CCDC91: variants seen among roughly 807,000 people sequenced by gnomAD.
CCDC91 encodes coiled-coil domain containing 91.
A neutral mutation model predicts 63.2 loss-of-function variants in CCDC91; 48 were observed. That is an observed-to-expected ratio of 0.76 (90% CI 0.60 to 0.97). The LOEUF is 0.97. Ranked by LOEUF, CCDC91 falls within the 50% of genes least tolerant of loss-of-function variation. CCDC91 has a pLI of 0.00. For missense variants in CCDC91, 500 were observed against 494.6 expected (o/e 1.01, Z -0.10); for synonymous variants, 167 against 165.8 (o/e 1.01, Z -0.06).
At chr12:28,431,540 A>G (rs1000319840) in intron 8 of CCDC91, among the ~76,000 whole-genome samples, 1 of 152,034 alleles carries the variant, frequency 6.6e-6, no homozygotes, top group Non-Finnish European at 1.5e-5. Flanking sequence ...CCTAATACCT[A>G]TTTTTCCATT....
At chr12:28,500,259 A>G (rs1217778016) in intron 12 of CCDC91, among the ~76,000 whole-genome samples, 1 of 150,314 alleles carries the variant, frequency 6.7e-6, no homozygotes, top group South Asian at 2.1e-4. Context: ...TGTCAGATGG[A>G]TAGATTGCAA....
chr12:28,465,986 A>C (rs1592751204), intron 11 of CCDC91, among the ~76,000 whole-genome samples: 1 of 152,176 alleles, frequency 6.6e-6, no homozygotes, highest in South Asian at 2.1e-4. Flanking sequence ...ATAGTTAAAA[A>C]CAATCAAGCA....
At chr12:28,471,718 A>C (rs1950824034) in intron 11 of CCDC91, among the ~76,000 whole-genome samples, 1 of 152,082 alleles carries the variant, frequency 6.6e-6, no homozygotes, top group African/African-American at 2.4e-5. Flanking sequence ...AGGCCAATAT[A>C]ATATAGCTGA....
chr12:28,375,811 G>A (rs1267153446), intron 7 of CCDC91, among the ~76,000 whole-genome samples: 1 of 151,844 alleles, frequency 6.6e-6, no homozygotes, highest in Middle Eastern at 3.2e-3. Flanking sequence ...CACTCGCTCA[G>A]ACTTCATGAG....
chr12:28,328,735 A>G (rs377740571), intron 6 of CCDC91, among the ~76,000 whole-genome samples: 8 of 152,296 alleles, frequency 5.3e-5, no homozygotes, highest in African/African-American at 9.6e-5. Context: ...CCAAATGGCA[A>G]TGACTAAAAA....
At chr12:28,358,851 A>C (rs1943689336) in intron 6 of CCDC91, among the ~76,000 whole-genome samples, 1 of 152,210 alleles carries the variant, frequency 6.6e-6, no homozygotes, top group Non-Finnish European at 1.5e-5. Flanking sequence ...AGCAAATAGC[A>C]AGTATAGCAA....
intron 3 of CCDC91, among the ~76,000 whole-genome samples, chr12:28,260,331 T>G (rs1298847960): frequency 1.3e-5 from 2 of 152,014 alleles, no homozygotes; most frequent in East Asian, 3.9e-4. Context: ...CTCTGAAGGG[T>G]GCATATAATT....
chr12:28,320,164 G>T (rs1940337143), intron 6 of CCDC91, among the ~76,000 whole-genome samples: 1 of 151,754 alleles, frequency 6.6e-6, no homozygotes, highest in Admixed American at 6.6e-5. Flanking sequence ...CTTTAACATG[G>T]TCTTTTTAGG....
chr12:28,435,752 G>A (rs1254431226), intron 8 of CCDC91, among the ~76,000 whole-genome samples: 1 of 151,698 alleles, frequency 6.6e-6, no homozygotes, highest in African/African-American at 2.4e-5. Flanking sequence ...TCTCCTTGCA[G>A]TTCTATCAGC....
At chr12:28,406,341 G>T (rs1215326781) in intron 8 of CCDC91, among the ~76,000 whole-genome samples, 1 of 151,936 alleles carries the variant, frequency 6.6e-6, no homozygotes, top group African/African-American at 2.4e-5. Flanking sequence ...GTCTTTGTAT[G>T]GACTCATGCT....
At chr12:28,504,846 C>T (rs1938504764) in intron 12 of CCDC91, among the ~76,000 whole-genome samples, 1 of 151,958 alleles carries the variant, frequency 6.6e-6, no homozygotes, top group Admixed American at 6.6e-5. Context: ...TTTAGTAGAA[C>T]AGTTTCTCTG....
At chr12:28,376,744 C>T (rs934262218) in intron 7 of CCDC91, among the ~76,000 whole-genome samples, 4 of 151,752 alleles carry the variant, frequency 2.6e-5, no homozygotes, top group Non-Finnish European at 5.9e-5. Flanking sequence ...CCGTATACAT[C>T]TATTCAGTTA....
intron 7 of CCDC91, among the ~76,000 whole-genome samples, chr12:28,380,421 CT>C (rs1945228169): frequency 6.6e-6 from 1 of 152,024 alleles, no homozygotes; most frequent in African/African-American, 2.4e-5. Context: ...ATGAACTTTT[CT>C]GTTTTATACT....
chr12:28,322,649 A>G (rs1031287130), intron 6 of CCDC91, among the ~76,000 whole-genome samples: 6 of 151,826 alleles, frequency 4.0e-5, no homozygotes, highest in African/African-American at 7.2e-5. Context: ...CTTAAAACAC[A>G]TAATTTTTCT....
intron 3 of CCDC91, among the ~76,000 whole-genome samples, chr12:28,281,721 G>A (rs1467405591): frequency 6.6e-6 from 1 of 152,124 alleles, no homozygotes; most frequent in Admixed American, 6.6e-5. Context: ...TGTTGTTAGA[G>A]TAGTGTATAG....
At chr12:28,401,933 A>G (rs1194438240) in intron 8 of CCDC91, among the ~76,000 whole-genome samples, 2 of 152,190 alleles carry the variant, frequency 1.3e-5, no homozygotes, top group Non-Finnish European at 2.9e-5. Context: ...GAGACAGTCA[A>G]CGTTCTTCTC....
intron 3 of CCDC91, among the ~76,000 whole-genome samples, chr12:28,264,317 G>A (rs1384228537): frequency 7.6e-6 from 1 of 131,336 alleles, no homozygotes; most frequent in East Asian, 2.0e-4. Flanking sequence ...TCTAACATAA[G>A]AAAGTTTTTG....
At chr12:28,438,387 A>G (rs890540124) in intron 8 of CCDC91, among the ~76,000 whole-genome samples, 3 of 152,088 alleles carry the variant, frequency 2.0e-5, no homozygotes, top group African/African-American at 7.2e-5. Context: ...GCATTCATGG[A>G]CCATCTTTGA....
At chr12:28,310,416 C>G (rs1392085247) in intron 6 of CCDC91, among the ~76,000 whole-genome samples, 1 of 152,040 alleles carries the variant, frequency 6.6e-6, no homozygotes, top group Non-Finnish European at 1.5e-5. Flanking sequence ...TAGTGATAAT[C>G]TAGGAGTGAT....
Sources: allele counts gnomAD v4.1 joint callset (sites outside exome capture counted in the v4.1 genomes callset), GRCh38; gene constraint gnomAD v4.1.1; transcripts MANE v1.5; gene names NCBI Gene and HGNC (gene_info 2026-07-23, HGNC 2026-07-21).